IL1RAPL2: variants seen among roughly 807,000 people sequenced by gnomAD.
IL1RAPL2 encodes the protein interleukin 1 receptor accessory protein like 2.
In IL1RAPL2, 3 loss-of-function variants were observed where a neutral mutation model predicts 44.1. That is an observed-to-expected ratio of 0.07 (90% CI 0.03 to 0.18). IL1RAPL2 has a LOEUF of 0.18. Ranked by LOEUF, IL1RAPL2 falls within the 10% of genes least tolerant of loss-of-function variation. The pLI, the probability that IL1RAPL2 is intolerant of heterozygous loss-of-function variation, is 1.00. For missense variants in IL1RAPL2, 391 were observed against 496.4 expected (o/e 0.79, Z 2.02); for synonymous variants, 181 against 178.8 (o/e 1.01, Z -0.10).
intron 2 of IL1RAPL2, among the ~76,000 whole-genome samples, chrX:105,152,207 G>A (rs764202753): frequency 1.3e-4 from 14 of 111,571 alleles, no homozygotes; most frequent in African/African-American, 4.6e-4. Flanking sequence ...ATGATTACAC[G>A]AAAAAGTCTT....
At chrX:104,917,850 A>G (rs774125100) in intron 2 of IL1RAPL2, among the ~76,000 whole-genome samples, 25 of 111,870 alleles carry the variant, frequency 2.2e-4, no homozygotes, top group Non-Finnish European at 4.5e-4. Context: ...ACTGAATTCT[A>G]TACAAGATGA....
At chrX:105,188,567 A>G (rs1326692955) in intron 2 of IL1RAPL2, among the ~76,000 whole-genome samples, 1 of 111,664 alleles carries the variant, frequency 9.0e-6, no homozygotes, top group Non-Finnish European at 1.9e-5. Flanking sequence ...TGAGAGGGAA[A>G]TGAAAATGGT....
At chrX:105,698,142 C>T (rs2038091526) in intron 6 of IL1RAPL2, among the ~76,000 whole-genome samples, 1 of 111,354 alleles carries the variant, frequency 9.0e-6, no homozygotes, top group Non-Finnish European at 1.9e-5. Flanking sequence ...AGATCTTTTA[C>T]ATTACACAAT....
intron 6 of IL1RAPL2, among the ~76,000 whole-genome samples, chrX:105,707,785 T>C (rs1424528569): frequency 8.9e-6 from 1 of 111,930 alleles, no homozygotes; most frequent in African/African-American, 3.2e-5. Context: ...GTAATAATTA[T>C]ATAAAGCAAA....
chrX:105,571,086 T>C (rs2037011655), intron 6 of IL1RAPL2, among the ~76,000 whole-genome samples: 1 of 111,601 alleles, frequency 9.0e-6, no homozygotes, highest in Admixed American at 9.5e-5. Flanking sequence ...GAAAAGCCTA[T>C]AGAACCTTAG....
intron 5 of IL1RAPL2, among the ~76,000 whole-genome samples, chrX:105,393,411 G>A (rs2035541345): frequency 9.0e-6 from 1 of 111,156 alleles, no homozygotes; most frequent in African/African-American, 3.3e-5. Flanking sequence ...GGAGTAATTG[G>A]GGAAGTTACA....
intron 1 of IL1RAPL2, among the ~76,000 whole-genome samples, chrX:104,629,084 ATGTG>A (rs1039743499): frequency 8.9e-6 from 1 of 112,332 alleles, no homozygotes; most frequent in Non-Finnish European, 1.9e-5. Flanking sequence ...ATGCATAAGA[ATGTG>A]TGTATATCTG....
At chrX:104,678,791 A>G in intron 2 of IL1RAPL2, among the ~76,000 whole-genome samples, 1 of 110,982 alleles carries the variant, frequency 9.0e-6, no homozygotes, top group Middle Eastern at 4.6e-3. Flanking sequence ...ACATGGACAC[A>G]GGGAGGGGAA....
intron 6 of IL1RAPL2, among the ~76,000 whole-genome samples, chrX:105,683,193 C>T (rs2037939985): frequency 9.0e-6 from 1 of 111,627 alleles, no homozygotes; most frequent in Non-Finnish European, 1.9e-5. Context: ...AAAAAATAAC[C>T]TTTCTTATAG....
chrX:105,218,885 C>T (rs2033898109), intron 3 of IL1RAPL2: 6 of 963,946 alleles, frequency 6.2e-6, no homozygotes, highest in Middle Eastern at 2.7e-4. Context: ...CCCCGGCCCC[C>T]GCCACCACAA....
chrX:104,633,659 C>T (rs1158863495), intron 1 of IL1RAPL2, among the ~76,000 whole-genome samples: 5 of 111,314 alleles, frequency 4.5e-5, no homozygotes, highest in Non-Finnish European at 9.4e-5. Flanking sequence ...CTGATGGTAG[C>T]TTGTATTTCT....
chrX:105,447,516 T>G (rs1274434891), intron 5 of IL1RAPL2, among the ~76,000 whole-genome samples: 2 of 75,204 alleles, frequency 2.7e-5, no homozygotes, highest in Non-Finnish European at 4.4e-5. Context: ...TTTATATAAA[T>G]ATAAATATAA....
intron 2 of IL1RAPL2, among the ~76,000 whole-genome samples, chrX:104,719,189 C>T (rs975845339): frequency 1.2e-4 from 13 of 112,287 alleles, no homozygotes; most frequent in African/African-American, 3.9e-4. Flanking sequence ...AAGTGATTTA[C>T]ATTTTGTATC....
intron 2 of IL1RAPL2, among the ~76,000 whole-genome samples, chrX:104,723,046 C>T (rs918047882): frequency 9.0e-6 from 1 of 111,029 alleles, no homozygotes; most frequent in Non-Finnish European, 1.9e-5. Flanking sequence ...GGATGGTCAT[C>T]CCCTTATCAG....
chrX:104,691,901 C>G (rs1461232190), intron 2 of IL1RAPL2, among the ~76,000 whole-genome samples: 1 of 111,156 alleles, frequency 9.0e-6, no homozygotes, highest in Non-Finnish European at 1.9e-5. Flanking sequence ...CCAGACAGAA[C>G]AAGGACCTGA....
At chrX:104,847,002 G>T (rs1922069690) in intron 2 of IL1RAPL2, among the ~76,000 whole-genome samples, 1 of 112,241 alleles carries the variant, frequency 8.9e-6, no homozygotes, top group Non-Finnish European at 1.9e-5. Flanking sequence ...CTTCTTTTGA[G>T]AAGTGTCTGT....
intron 2 of IL1RAPL2, among the ~76,000 whole-genome samples, chrX:104,844,889 T>G (rs1479946636): frequency 8.9e-6 from 1 of 112,138 alleles, no homozygotes; most frequent in Non-Finnish European, 1.9e-5. Flanking sequence ...ACAGAGTAGT[T>G]CTGCGACTTT....
chrX:105,380,253 C>T (rs1164806160), intron 5 of IL1RAPL2, among the ~76,000 whole-genome samples: 1 of 111,121 alleles, frequency 9.0e-6, no homozygotes, highest in Non-Finnish European at 1.9e-5. Context: ...TTCTTTTCAG[C>T]TTGGGAGAAC....
intron 2 of IL1RAPL2, among the ~76,000 whole-genome samples, chrX:104,688,273 C>T (rs1242917668): frequency 8.9e-6 from 1 of 111,911 alleles, no homozygotes; most frequent in Non-Finnish European, 1.9e-5. Flanking sequence ...TTAGGTGTAC[C>T]CAGTTTTTGT....
Sources: allele counts gnomAD v4.1 joint callset (sites outside exome capture counted in the v4.1 genomes callset), GRCh38; gene constraint gnomAD v4.1.1; transcripts MANE v1.5; gene names NCBI Gene and HGNC (gene_info 2026-07-23, HGNC 2026-07-21).